The following PTPRD variants were observed in gnomAD, a reference collection of about 807,000 sequenced individuals.
PTPRD encodes the protein protein tyrosine phosphatase receptor type D.
Under a neutral mutation model 214.5 loss-of-function variants are expected in PTPRD, and 34 were observed. The observed-to-expected ratio is 0.16, with a 90% CI of 0.12 to 0.21. The LOEUF is 0.21. Ranked by LOEUF, PTPRD falls within the 10% of genes least tolerant of loss-of-function variation. The pLI is 1.00. For synonymous variants in PTPRD, 1,128 were observed against 845.7 expected (o/e 1.33, Z -5.79); for missense variants, 2,545 against 2,398.7 (o/e 1.06, Z -1.27).
At chr9:10,235,855 T>G (rs2154359406) in intron 3 of PTPRD, among the ~76,000 whole-genome samples, 1 of 152,124 alleles carries the variant, frequency 6.6e-6, no homozygotes, top group South Asian at 2.1e-4. Context: ...ATTCTAGTAT[T>G]AGTAGACTGT....
intron 2 of PTPRD, among the ~76,000 whole-genome samples, chr9:10,403,805 G>C (rs537984859): frequency 6.6e-5 from 10 of 151,808 alleles, no homozygotes; most frequent in Middle Eastern, 3.4e-3. Flanking sequence ...CGAAACTGTG[G>C]AGACAGTTAA....
At chr9:10,590,354 G>GACTCCATTTGTAGC in intron 2 of PTPRD, among the ~76,000 whole-genome samples, 1 of 151,792 alleles carries the variant, frequency 6.6e-6, no homozygotes, top group Non-Finnish European at 1.5e-5. Flanking sequence ...ACAATTAAAT[G>GACTCCATTTGTAGC]CACCTATTTT....
intron 11 of PTPRD, among the ~76,000 whole-genome samples, chr9:8,883,936 G>A (rs1034788674): frequency 2.0e-5 from 3 of 152,200 alleles, no homozygotes; most frequent in African/African-American, 7.2e-5. Flanking sequence ...TTAAGAAAGT[G>A]AAGAGAGACA....
At chr9:9,110,776 C>A (rs1308941892) in intron 10 of PTPRD, among the ~76,000 whole-genome samples, 1 of 152,112 alleles carries the variant, frequency 6.6e-6, no homozygotes, top group Non-Finnish European at 1.5e-5. Flanking sequence ...TTTTGTTAAG[C>A]CAGAGTCAGC....
chr9:8,828,820 T>G (rs927484449), intron 11 of PTPRD, among the ~76,000 whole-genome samples: 3 of 152,220 alleles, frequency 2.0e-5, no homozygotes, highest in Non-Finnish European at 2.9e-5. Context: ...CTATAAAATT[T>G]GTGAAATTCT....
intron 9 of PTPRD, among the ~76,000 whole-genome samples, chr9:9,190,876 A>G (rs1445320212): frequency 6.6e-6 from 1 of 152,048 alleles, no homozygotes; most frequent in Non-Finnish European, 1.5e-5. Flanking sequence ...TAATGGGATG[A>G]GACTTTGGGG....
At chr9:8,512,115 A>T (rs960666914) in intron 21 of PTPRD, among the ~76,000 whole-genome samples, 1 of 152,142 alleles carries the variant, frequency 6.6e-6, no homozygotes, top group Non-Finnish European at 1.5e-5. Flanking sequence ...CATGATTGCT[A>T]AAATATCCAG....
At chr9:9,229,864 G>A (rs2099961982) in intron 9 of PTPRD, among the ~76,000 whole-genome samples, 1 of 151,978 alleles carries the variant, frequency 6.6e-6, no homozygotes, top group Non-Finnish European at 1.5e-5. Context: ...TAGGAAGACT[G>A]ATAGTTACAT....
At chr9:9,619,010 G>A (rs1166435683) in intron 7 of PTPRD, among the ~76,000 whole-genome samples, 4 of 152,116 alleles carry the variant, frequency 2.6e-5, no homozygotes, top group Non-Finnish European at 4.4e-5. Context: ...TTTCTGAAAC[G>A]AGATGCCACA....
At chr9:9,040,900 A>C (rs1364716458) in intron 10 of PTPRD, among the ~76,000 whole-genome samples, 1 of 152,094 alleles carries the variant, frequency 6.6e-6, no homozygotes, top group Non-Finnish European at 1.5e-5. Flanking sequence ...CTAAAGAAGA[A>C]ATTCCCCAGC....
chr9:9,821,439 A>C (rs892243367), intron 5 of PTPRD, among the ~76,000 whole-genome samples: 10 of 152,202 alleles, frequency 6.6e-5, no homozygotes, highest in African/African-American at 2.4e-4. Context: ...CAATACATCC[A>C]TTATGTTTGG....
chr9:9,044,669 A>T (rs911146596), intron 10 of PTPRD, among the ~76,000 whole-genome samples: 1 of 152,244 alleles, frequency 6.6e-6, no homozygotes, highest in Non-Finnish European at 1.5e-5. Context: ...CTATCAAGTC[A>T]ATACAAACTG....
chr9:9,595,837 G>C lies in PTPRD; in HGVS notation c.-286-21056C>G, dbSNP rs149249715. ...AGAAGGATAAAAGACTACAAGCTGG[G>C]TGTAGTGTATACTGCTCAATGATAG... is the stretch of plus-strand genomic sequence containing the variant. On this transcript the variant is annotated intron_variant, in intron 7 of 45. Transcript: ENST00000381196. 4.2e-3 allele frequency among the ~76,000 whole-genome samples: 643 copies of C among 151,978 alleles called. 4 individuals carry two copies. The highest frequency in any genetic ancestry group is 0.015 in the African/African-American group (603 of 41,488).
intron 33 of PTPRD, among the ~76,000 whole-genome samples, chr9:8,456,647 G>C (rs909557084): frequency 6.6e-6 from 1 of 152,142 alleles, no homozygotes; most frequent in South Asian, 2.1e-4. Flanking sequence ...GAAGACTAAA[G>C]ACACAAAGCT....
At chr9:9,367,690 C>T (rs189306141) in intron 9 of PTPRD, among the ~76,000 whole-genome samples, 13 of 151,604 alleles carry the variant, frequency 8.6e-5, no homozygotes, top group Admixed American at 2.0e-4. Context: ...CTGCCAGAGA[C>T]GTGTTCGGAC....
intron 9 of PTPRD, among the ~76,000 whole-genome samples, chr9:9,380,658 A>T (rs1425402255): frequency 6.6e-6 from 1 of 152,066 alleles, no homozygotes; most frequent in Non-Finnish European, 1.5e-5. Context: ...TTTTTTTGCC[A>T]TTGTTGGATG....
At chr9:9,305,839 G>C (rs1444307792) in intron 9 of PTPRD, among the ~76,000 whole-genome samples, 2 of 152,146 alleles carry the variant, frequency 1.3e-5, no homozygotes, top group Non-Finnish European at 2.9e-5. Context: ...AAGTGAGGCA[G>C]CTGCAAGACA....
At chr9:9,791,201 T>C (rs2098964823) in intron 5 of PTPRD, among the ~76,000 whole-genome samples, 1 of 151,976 alleles carries the variant, frequency 6.6e-6, no homozygotes, top group South Asian at 2.1e-4. Context: ...TAAAAGATTT[T>C]AGTTTAGTTA....
At chr9:9,677,126 G>A (rs1202144699) in intron 7 of PTPRD, among the ~76,000 whole-genome samples, 1 of 152,070 alleles carries the variant, frequency 6.6e-6, no homozygotes, top group East Asian at 1.9e-4. Context: ...AAGCTCTTTA[G>A]TTTAATTAGA....
Sources: gnomAD v4.1 joint callset for allele counts (sites outside exome capture counted in the v4.1 genomes callset) on GRCh38, gnomAD v4.1.1 for gene constraint, MANE v1.5 for transcripts, NCBI Gene and HGNC (gene_info 2026-07-23, HGNC 2026-07-21) for gene names.